The following BPTF variants were observed in gnomAD, a reference collection of about 807,000 sequenced individuals.
The protein encoded by BPTF is bromodomain PHD finger transcription factor.
Under a neutral mutation model 292.5 loss-of-function variants are expected in BPTF, and 18 were observed. That is an observed-to-expected ratio of 0.06 (90% CI 0.04 to 0.09). The LOEUF is 0.09. Ranked by LOEUF, BPTF falls within the 10% of genes least tolerant of loss-of-function variation. The pLI is 1.00. For missense variants in BPTF, 2,726 were observed against 3,498.7 expected (o/e 0.78, Z 5.57); for synonymous variants, 1,225 against 1,251.9 (o/e 0.98, Z 0.45).
chr17:67,919,114 G>A (rs1458274175), intron 12 of BPTF, among the ~76,000 whole-genome samples: 15 of 150,978 alleles, frequency 9.9e-5, no homozygotes, highest in Admixed American at 9.9e-4. Flanking sequence ...GGAGCTTACA[G>A]TGAGCTGAGA....
At chr17:67,900,924 G>A (rs1230195383) in intron 7 of BPTF, among the ~76,000 whole-genome samples, 2 of 150,780 alleles carry the variant, frequency 1.3e-5, no homozygotes, top group African/African-American at 4.9e-5. Context: ...CTAGAAGTTG[G>A]AGGAGGATTG....
intron 1 of BPTF, among the ~76,000 whole-genome samples, chr17:67,827,417 C>T (rs1567845034): frequency 1.3e-5 from 2 of 152,116 alleles, no homozygotes; most frequent in Non-Finnish European, 1.5e-5. Context: ...ACACCCCCGG[C>T]CCCCCGCAAA....
chr17:67,892,200 G>A (rs1475492743), intron 5 of BPTF, among the ~76,000 whole-genome samples, 166 bp downstream of exon 5: 1 of 152,148 alleles, frequency 6.6e-6, no homozygotes, highest in Non-Finnish European at 1.5e-5. Context: ...GAAAGTATTA[G>A]GCTTTATAAG....
intron 27 of BPTF, among the ~76,000 whole-genome samples, chr17:67,979,020 A>G (rs1191952423): frequency 1.3e-4 from 19 of 151,812 alleles, no homozygotes; most frequent in Non-Finnish European, 8.8e-5. Flanking sequence ...TACAAAACAC[A>G]AAAATTAGCC....
At chr17:67,883,603 T>G (rs551176870) in intron 4 of BPTF, among the ~76,000 whole-genome samples, 1 of 152,286 alleles carries the variant, frequency 6.6e-6, no homozygotes, top group East Asian at 1.9e-4. Flanking sequence ...TTTGTTTTGT[T>G]TGTGTGTGTT....
chr17:67,896,636 T>C (rs56148300), intron 7 of BPTF, among the ~76,000 whole-genome samples: 52,779 of 152,014 alleles, frequency 0.35, 11,750 homozygotes, highest in East Asian at 0.68. Context: ...TTTAGGGATA[T>C]AGACGTTTGT....
chr17:67,967,816 C>CAAAA (rs58143986), intron 26 of BPTF, among the ~76,000 whole-genome samples: 1 of 97,164 alleles, frequency 1.0e-5, no homozygotes. Context: ...GAGACTCTGT[C>CAAAA]AAAAAAAAAA....
At chr17:67,903,065 G>T (rs1246140979) in intron 7 of BPTF, among the ~76,000 whole-genome samples, 1 of 152,228 alleles carries the variant, frequency 6.6e-6, no homozygotes, top group Non-Finnish European at 1.5e-5. Flanking sequence ...TGTGGCCGAT[G>T]CCTGTGTCTC....
chr17:67,962,051 G>A (rs2067559441), intron 24 of BPTF, among the ~76,000 whole-genome samples: 1 of 152,198 alleles, frequency 6.6e-6, no homozygotes, highest in Non-Finnish European at 1.5e-5. Flanking sequence ...GCTGAGGTGG[G>A]AGGATCACAT....
At chr17:67,904,657 A>G (rs1017601654) in intron 8 of BPTF, 45 bp from the exon 9 acceptor site, 10 of 1,424,088 alleles carry the variant, frequency 7.0e-6, no homozygotes, top group Non-Finnish European at 9.5e-6. Flanking sequence ...GTTTATAAGC[A>G]TTGTTATTCT....
chr17:67,845,656 C>T (rs898151012), intron 1 of BPTF, among the ~76,000 whole-genome samples: 4 of 151,968 alleles, frequency 2.6e-5, no homozygotes, highest in African/African-American at 9.7e-5. Flanking sequence ...TGTCTTTTGT[C>T]CCAGCTACTC....
Position 67,893,446 on chromosome 17 carries a change from A to G in BPTF, c.2132A>G (p.Asn711Ser), listed in dbSNP as rs1414510483. 1 of 1,614,182 alleles carries G rather than the reference A, an allele frequency of 6.2e-7. No individual in the cohort carries two copies. The highest frequency in any genetic ancestry group is 1.3e-5 in the African/African-American group (1 of 75,060). ...KKEVIMKGNINNYFKLGQEGK... is the reference protein window; with the variant it reads ...KKEVIMKGNISNYFKLGQEGK... ...GAAGTGATCATGAAAGGAAATATCAACAATTATTTTAAATTGGGTCAAGAA... is the reference window on the plus strand; with the variant it reads ...GAAGTGATCATGAAAGGAAATATCAGCAATTATTTTAAATTGGGTCAAGAA... Residue 711 changes from asparagine to serine, a missense_variant, in exon 6 of 28, where the codon AAC (asparagine) becomes AGC (serine). Asn to Ser is a conservative substitution (Grantham distance 46). This residue lies in a region of BPTF where 63 missense variants were observed against 84.1 expected (regional missense o/e 0.75). Transcript: ENST00000306378.
intron 1 of BPTF, among the ~76,000 whole-genome samples, chr17:67,829,112 TTTG>T (rs139786693): frequency 0.21 from 32,400 of 151,464 alleles, 4,251 homozygotes; most frequent in East Asian, 0.66. Context: ...GTTTTTGTTT[TTTG>T]TTGTTGTTGT....
rs562356766 is a variant in BPTF, at chr17:67,853,926, G to A, written c.614-14G>A. 4.4e-6 allele frequency: 7 copies of A among 1,591,076 alleles called. No individual in the cohort carries two copies. The Admixed American group carries it at 5.2e-5, about 12-fold the overall frequency. On this transcript the variant is annotated splice_polypyrimidine_tract_variant and intron_variant, in intron 1 of 27. Coordinates refer to ENST00000306378, the MANE Select transcript of BPTF (RefSeq NM_182641.4). ...ATGTATTGATTTGTAATGATGTCACGTCTTTATCTACAGGTAGGCGAAAAC... is the reference window on the plus strand; with the variant it reads ...ATGTATTGATTTGTAATGATGTCACATCTTTATCTACAGGTAGGCGAAAAC...
intron 12 of BPTF, among the ~76,000 whole-genome samples, chr17:67,919,810 C>T (rs987996264): frequency 3.3e-5 from 5 of 152,076 alleles, no homozygotes; most frequent in African/African-American, 4.8e-5. Flanking sequence ...CATTTTGTTT[C>T]GTTTAGGAAT....
intron 27 of BPTF, among the ~76,000 whole-genome samples, chr17:67,976,716 T>TGGC (rs2069516476): frequency 7.8e-6 from 1 of 128,490 alleles, no homozygotes; most frequent in African/African-American, 3.1e-5. Context: ...AAAAAAAAAA[T>TGGC]AAGAATAAAA....
intron 4 of BPTF, among the ~76,000 whole-genome samples, chr17:67,890,602 A>G (rs2061046350): frequency 6.6e-6 from 1 of 152,210 alleles, no homozygotes; most frequent in African/African-American, 2.4e-5. Flanking sequence ...TGCTCGCTCC[A>G]AAGGGGCAAC....
At chr17:67,938,679 G>A (rs1209376355) in intron 18 of BPTF, among the ~76,000 whole-genome samples, 1 of 152,182 alleles carries the variant, frequency 6.6e-6, no homozygotes, top group Non-Finnish European at 1.5e-5. Flanking sequence ...ACATTCTTGG[G>A]AGGATGTATC....
intron 9 of BPTF, among the ~76,000 whole-genome samples, chr17:67,907,522 A>G (rs976431727): frequency 5.9e-5 from 9 of 151,784 alleles, no homozygotes. Flanking sequence ...CGCCGAGCTA[A>G]TTTTTGTATT....
Sources: allele counts gnomAD v4.1 joint callset (sites outside exome capture counted in the v4.1 genomes callset), GRCh38; gene constraint gnomAD v4.1.1; regional missense constraint gnomAD v4.1.1; transcripts MANE v1.5; gene names NCBI Gene and HGNC (gene_info 2026-07-23, HGNC 2026-07-21).